Variants in GLO1 observed in about 807,000 individuals in gnomAD.
GLO1 encodes the protein glyoxalase I, also known as lactoylglutathione lyase.
A neutral mutation model predicts 26.0 loss-of-function variants in GLO1; 28 were observed. The ratio of observed to expected loss-of-function variants is 1.08; its 90% CI spans 0.80 to 1.48. GLO1 has a LOEUF of 1.48. Ranked by LOEUF, GLO1 falls within the 40% of genes most tolerant of loss-of-function variation. The pLI is 0.00. For synonymous variants in GLO1, 78 were observed against 77.6 expected (o/e 1.00, Z -0.03); for missense variants, 225 against 224.8 (o/e 1.00, Z -0.01).
At chr6:38,691,114 T>C (rs1321434063) in intron 1 of GLO1, among the ~76,000 whole-genome samples, 1 of 152,346 alleles carries the variant, frequency 6.6e-6, no homozygotes, top group East Asian at 1.9e-4. Context: ...TCCCTTATCA[T>C]GCTTTAAATT....
At chr6:38,701,590 C>A (rs755966493) in intron 1 of GLO1, among the ~76,000 whole-genome samples, 4 of 152,066 alleles carry the variant, frequency 2.6e-5, no homozygotes, top group Non-Finnish European at 5.9e-5. Flanking sequence ...TATGAAAAAA[C>A]CAGGTATTAA....
intron 1 of GLO1, among the ~76,000 whole-genome samples, chr6:38,700,005 G>A (rs1761674307): frequency 6.6e-6 from 1 of 152,034 alleles, no homozygotes; most frequent in African/African-American, 2.4e-5. Context: ...CCTACTCCCT[G>A]TTCTTACACC....
intron 1 of GLO1, among the ~76,000 whole-genome samples, chr6:38,693,685 C>CTCTCTCTCTCTA (rs869232489): frequency 1.0e-3 from 89 of 86,426 alleles, no homozygotes; most frequent in African/African-American, 3.4e-3. Flanking sequence ...CTCTCTCTCT[C>CTCTCTCTCTCTA]TATATATATA....
intron 2 of GLO1, among the ~76,000 whole-genome samples, chr6:38,684,814 C>T (rs533267635): frequency 1.3e-5 from 2 of 152,128 alleles, no homozygotes; most frequent in Admixed American, 6.5e-5. Context: ...CAAAAGAGAA[C>T]TGTGTTTATT....
At chr6:38,688,261 C>T (rs575592698) in intron 1 of GLO1, among the ~76,000 whole-genome samples, 1 of 152,192 alleles carries the variant, frequency 6.6e-6, no homozygotes, top group South Asian at 2.1e-4. Context: ...CAGTCAGATG[C>T]TACAGTCCTA....
chr6:38,702,895 A>C, intron 1 of GLO1, 76 bp downstream of exon 1: 1 of 783,334 alleles, frequency 1.3e-6, no homozygotes, highest in Non-Finnish European at 2.1e-6. Flanking sequence ...CGGCGGCGGG[A>C]TGGGGTTGGA....
At chr6:38,681,344 G>A (rs1361477432) in intron 5 of GLO1, among the ~76,000 whole-genome samples, 5 of 152,178 alleles carry the variant, frequency 3.3e-5, no homozygotes, top group East Asian at 1.9e-4. Context: ...TGACAGGTGT[G>A]AGCCACCACG....
intron 5 of GLO1, among the ~76,000 whole-genome samples, chr6:38,679,036 G>A (rs1761323438): frequency 6.6e-6 from 1 of 152,130 alleles, no homozygotes; most frequent in East Asian, 1.9e-4. Context: ...ATAATAATTT[G>A]AGAAACATAA....
intron 1 of GLO1, among the ~76,000 whole-genome samples, chr6:38,691,533 T>C (rs539570025): frequency 6.6e-6 from 1 of 152,170 alleles, no homozygotes; most frequent in South Asian, 2.1e-4. Flanking sequence ...GATCTCAAAC[T>C]CCTGAACTTG....
At chr6:38,681,866 A>G (rs1478395174) in intron 5 of GLO1, 146 bp downstream of exon 5, 4 of 598,222 alleles carry the variant, frequency 6.7e-6, no homozygotes, top group Non-Finnish European at 1.2e-5. Flanking sequence ...ATATTCTTCC[A>G]ATCATTTCTC....
intron 5 of GLO1, among the ~76,000 whole-genome samples, chr6:38,680,076 G>C (rs12214815): frequency 0.3 from 45,085 of 152,080 alleles, 8,141 homozygotes; most frequent in Non-Finnish European, 0.42. Flanking sequence ...TGAATTGACA[G>C]ATTTTTCAAC....
chr6:38,702,167 T>A (rs1157186905), intron 1 of GLO1, among the ~76,000 whole-genome samples: 1 of 152,132 alleles, frequency 6.6e-6, no homozygotes, highest in Non-Finnish European at 1.5e-5. Flanking sequence ...GACCTCGTGA[T>A]CCGCCCGCCT....
chr6:38,701,203 C>A (rs1761693655), intron 1 of GLO1, among the ~76,000 whole-genome samples: 1 of 152,192 alleles, frequency 6.6e-6, no homozygotes, highest in Non-Finnish European at 1.5e-5. Context: ...TCACTCAACA[C>A]CTCTATGTGC....
rs760829689 is a variant in GLO1, at chr6:38,682,872, A to G, written c.312T>C (p.Asn104=). ...SRKATLELTH[N]WGTEDDETQS... is the part of the protein sequence containing the mutation. ...GGGTCTCATCATCTTCAGTGCCCCAATTGCTACAAAAGGAAGGAAAACATA... is the reference window on the plus strand; with the variant it reads ...GGGTCTCATCATCTTCAGTGCCCCAGTTGCTACAAAAGGAAGGAAAACATA... The change falls in exon 4 of 6, where the codon AAT becomes AAC. Residue 104 remains asparagine, a synonymous_variant. Coordinates refer to ENST00000373365, the MANE Select transcript of GLO1 (RefSeq NM_006708.3). The G allele has an allele frequency of 7.1e-5, 111 of 1,570,046 alleles. No individual in the cohort carries two copies. Among genetic ancestry groups the G allele is most frequent in the South Asian group, 1.0e-4 (9 of 90,388 alleles).
In GLO1 at chr6:38,682,868, C is replaced by T. The variant is rs372375649; in HGVS notation, c.316G>A (p.Gly106Ser). The T allele has an allele frequency of 7.6e-6, 12 of 1,578,818 alleles. No homozygotes were observed. Among genetic ancestry groups the T allele is most frequent in the Middle Eastern group, 1.7e-4 (1 of 6,018 alleles). The change falls in exon 4 of 6, where the codon GGC becomes AGC. Residue 106 changes from glycine to serine, a missense_variant. Gly to Ser is a moderately conservative substitution (Grantham distance 56, BLOSUM62 0). Transcript: ENST00000373365. Reference protein sequence around the residue: ...KATLELTHNWGTEDDETQSYH... With the variant: ...KATLELTHNWSTEDDETQSYH... ...CTCTGGGTCTCATCATCTTCAGTGC[C>T]CCAATTGCTACAAAAGGAAGGAAAA...
Position 38,682,090 on chromosome 6 carries a change from T to C in GLO1, c.388A>G (p.Ile130Val). ...GCACTGTATACATCAGGAACAGCAA[T>C]TCCAATATGACCTTACGTGATACCC... ...SDPRGFGHIG[I>V]AVPDVYSACK... Residue 130 changes from isoleucine (I) to valine (V), a missense_variant, in exon 5 of 6, where the codon ATT (isoleucine) becomes GTT (valine). Physicochemically the swap from Ile to Val is conservative, Grantham distance 29 (BLOSUM62 3). Transcript: ENST00000373365. 2 of 1,574,516 alleles carry C rather than the reference T, an allele frequency of 1.3e-6. No homozygotes were observed. The highest frequency in any genetic ancestry group is 1.7e-6 in the Non-Finnish European group (2 of 1,143,812).
intron 3 of GLO1, among the ~76,000 whole-genome samples, chr6:38,683,572 G>A (rs1403250307): frequency 6.6e-6 from 1 of 152,038 alleles, no homozygotes; most frequent in African/African-American, 2.4e-5. Flanking sequence ...ACAATTTCAG[G>A]GTCTTATATT....
chr6:38,697,253 T>C (rs888136873), intron 1 of GLO1, among the ~76,000 whole-genome samples: 1 of 152,204 alleles, frequency 6.6e-6, no homozygotes, highest in South Asian at 2.1e-4. Context: ...TCCAGACTTA[T>C]AAGACAACCA....
At chr6:38,687,210 C>T in intron 1 of GLO1, 1 of 464,430 alleles carries the variant, frequency 2.2e-6, no homozygotes, top group Non-Finnish European at 2.8e-6. Flanking sequence ...AAAAACCTGG[C>T]ATCCCTGTCC....
Sources: allele counts gnomAD v4.1 joint callset (sites outside exome capture counted in the v4.1 genomes callset), GRCh38; gene constraint gnomAD v4.1.1; transcripts MANE v1.5; gene names NCBI Gene and HGNC (gene_info 2026-07-23, HGNC 2026-07-21).